Variants in NKAIN2 observed in about 807,000 individuals in gnomAD.
NKAIN2 encodes sodium/potassium transporting ATPase interacting 2, also known as sodium/potassium-transporting ATPase subunit beta-1-interacting protein 2.
Under a neutral mutation model 32.6 loss-of-function variants are expected in NKAIN2, and 14 were observed. The ratio of observed to expected loss-of-function variants is 0.43; its 90% CI spans 0.28 to 0.67. The LOEUF is 0.67. Among genes scored for constraint, NKAIN2 ranks in the 30% least tolerant of loss-of-function variants. The pLI, the probability that NKAIN2 is intolerant of heterozygous loss-of-function variation, is 0.17. For missense variants in NKAIN2, 198 were observed against 258.3 expected (o/e 0.77, Z 1.60); for synonymous variants, 80 against 87.2 (o/e 0.92, Z 0.46).
chr6:124,187,454 G>A (rs1305899901), intron 1 of NKAIN2, among the ~76,000 whole-genome samples: 1 of 152,026 alleles, frequency 6.6e-6, no homozygotes, highest in East Asian at 1.9e-4. Context: ...GCCACCCATA[G>A]TCCAATTGGG....
chr6:124,611,210 A>T (rs1377984144), intron 3 of NKAIN2, among the ~76,000 whole-genome samples: 2 of 152,130 alleles, frequency 1.3e-5, no homozygotes, highest in Non-Finnish European at 2.9e-5. Context: ...TTCTTTAGTG[A>T]TGTTAAAGCA....
chr6:124,462,475 A>T (rs652905), intron 3 of NKAIN2, among the ~76,000 whole-genome samples: 150,843 of 152,016 alleles, frequency 0.99, 74,850 homozygotes, highest in East Asian at 1. Context: ...TCATACAAAG[A>T]TCACAATTTT....
chr6:124,358,731 A>C (rs1385331693), intron 3 of NKAIN2, among the ~76,000 whole-genome samples: 1 of 151,380 alleles, frequency 6.6e-6, no homozygotes, highest in Non-Finnish European at 1.5e-5. Context: ...TTGCCTGTTC[A>C]CTCTGATGGT....
intron 2 of NKAIN2, among the ~76,000 whole-genome samples, chr6:124,309,556 T>G (rs527716608): frequency 6.6e-6 from 1 of 152,154 alleles, no homozygotes; most frequent in Non-Finnish European, 1.5e-5. Context: ...GACAGCTTAA[T>G]TTAGCATATT....
chr6:124,236,743 T>G (rs1792787478), intron 1 of NKAIN2, among the ~76,000 whole-genome samples: 1 of 152,056 alleles, frequency 6.6e-6, no homozygotes, highest in Admixed American at 6.6e-5. Flanking sequence ...CGGATGGTGG[T>G]AAACATAGAT....
intron 3 of NKAIN2, among the ~76,000 whole-genome samples, chr6:124,429,112 A>G (rs1242772326): frequency 6.6e-6 from 1 of 152,024 alleles, no homozygotes; most frequent in Non-Finnish European, 1.5e-5. Flanking sequence ...ATCTCTGCTC[A>G]CTGCAACCTC....
At chr6:124,800,959 T>G (rs752980130) in intron 5 of NKAIN2, among the ~76,000 whole-genome samples, 11 of 152,208 alleles carry the variant, frequency 7.2e-5, no homozygotes, top group Non-Finnish European at 1.6e-4. Context: ...TTGTAACTAA[T>G]GAAGCTGATG....
rs576820631 is a variant in NKAIN2, at chr6:124,789,618, A to G, written c.475-1721A>G. Among the ~76,000 whole-genome samples the G allele has an allele frequency of 2.9e-4, 44 of 151,986 alleles. No individual in the cohort carries two copies. The South Asian group carries it at 9.2e-3, about 32-fold the overall frequency. On this transcript the variant is annotated intron_variant, in intron 4 of 6. Transcript: ENST00000368417. ...CAGTACCCATGAAAATGCTCAAATC[A>G]CTATGTGATTTGAGTTTGGACAAAT...
rs145452174 is a variant in NKAIN2 at position 124,086,706 on chromosome 6, C to T, written c.55-196299C>T. Among the ~76,000 whole-genome samples the T allele has an allele frequency of 5.1e-4, 77 of 151,802 alleles. No homozygotes were observed. The East Asian group carries it at 0.011, about 22-fold the overall frequency. On this transcript the variant is annotated intron_variant, in intron 1 of 6. Transcript: ENST00000368417. ...ATTTGATAATTATGATGAAATGAGCCAAATGCATGAAAGACACAATCTGAC... is the reference window on the plus strand; with the variant it reads ...ATTTGATAATTATGATGAAATGAGCTAAATGCATGAAAGACACAATCTGAC...
chr6:124,756,959 G>A (rs1777994299), intron 4 of NKAIN2, among the ~76,000 whole-genome samples: 1 of 151,850 alleles, frequency 6.6e-6, no homozygotes, highest in Non-Finnish European at 1.5e-5. Flanking sequence ...TTTTTTACAG[G>A]TTTTCCAAAA....
chr6:124,283,199 C>G lies in NKAIN2; in HGVS notation c.192+57C>G, dbSNP rs917760149. On this transcript the variant is annotated intron_variant, in intron 2 of 6. Transcript: ENST00000368417. ...ATTGAACTAGAGAATGATGTGCAAA[C>G]TCCAAATGCCTTGAAAACTTATGTG... The G allele has an allele frequency of 7.1e-5, 87 of 1,225,382 alleles. 1 individual carries two copies. In the Admixed American group the frequency reaches 1.5e-3, roughly 21 times the overall value. 75.9% of individuals were successfully genotyped at this position (1,225,382 alleles called of 1,614,324 possible).
At chr6:123,808,143 T>C (rs573341712) in intron 1 of NKAIN2, among the ~76,000 whole-genome samples, 155 of 152,300 alleles carry the variant, frequency 1.0e-3, no homozygotes, top group African/African-American at 3.6e-3. Context: ...AAAGCGTTGC[T>C]GTGAAGTAGC....
At chr6:123,946,382 T>C (rs2114569796) in intron 1 of NKAIN2, among the ~76,000 whole-genome samples, 1 of 152,292 alleles carries the variant, frequency 6.6e-6, no homozygotes, top group East Asian at 1.9e-4. Flanking sequence ...ATGAGGTAAA[T>C]GTGATTTAAC....
At chr6:123,887,070 A>C (rs1484544866) in intron 1 of NKAIN2, among the ~76,000 whole-genome samples, 4 of 152,182 alleles carry the variant, frequency 2.6e-5, no homozygotes, top group Non-Finnish European at 5.9e-5. Context: ...TGTGATGAAC[A>C]ACAAAGTTAA....
chr6:124,312,689 A>T (rs2115003887), intron 2 of NKAIN2, among the ~76,000 whole-genome samples: 1 of 152,224 alleles, frequency 6.6e-6, no homozygotes, highest in East Asian at 1.9e-4. Flanking sequence ...TGGAGACTTC[A>T]TTGGCTAGTT....
chr6:124,765,026 C>T (rs1778448587), intron 4 of NKAIN2, among the ~76,000 whole-genome samples: 2 of 152,150 alleles, frequency 1.3e-5, no homozygotes, highest in Non-Finnish European at 2.9e-5. Context: ...ATTGTTTCCA[C>T]TTAAGCAATC....
chr6:124,263,549 G>A, intron 1 of NKAIN2, among the ~76,000 whole-genome samples: 1 of 152,014 alleles, frequency 6.6e-6, no homozygotes, highest in Admixed American at 6.6e-5. Flanking sequence ...TTCCTAACAT[G>A]GCCATGTTAA....
At chr6:124,599,744 C>T (rs1234851430) in intron 3 of NKAIN2, among the ~76,000 whole-genome samples, 1 of 152,094 alleles carries the variant, frequency 6.6e-6, no homozygotes, top group African/African-American at 2.4e-5. Context: ...CTTTCTTTTG[C>T]AGCCCAAAGG....
intron 4 of NKAIN2, among the ~76,000 whole-genome samples, chr6:124,729,871 C>A (rs1186651800): frequency 6.6e-6 from 1 of 151,536 alleles, no homozygotes; most frequent in Admixed American, 6.6e-5. Flanking sequence ...TCTTAGGATA[C>A]AAAATCAATG....
Sources: gnomAD v4.1 joint callset for allele counts (sites outside exome capture counted in the v4.1 genomes callset) on GRCh38, gnomAD v4.1.1 for gene constraint, MANE v1.5 for transcripts, NCBI Gene and HGNC (gene_info 2026-07-23, HGNC 2026-07-21) for gene names.